Variants in PIR observed in about 807,000 individuals in gnomAD.
PIR encodes the protein pirin (iron-binding nuclear protein).
A neutral mutation model predicts 24.2 loss-of-function variants in PIR; 22 were observed. That is an observed-to-expected ratio of 0.91 (90% CI 0.65 to 1.30). The LOEUF (loss-of-function observed/expected upper bound fraction) is 1.30, where lower values mean the gene tolerates loss of function less well. PIR is among the 50% of genes most tolerant of loss of function. The pLI is 0.00. For missense variants in PIR, 220 were observed against 220.3 expected (o/e 1.00, Z 0.01); for synonymous variants, 80 against 79.6 (o/e 1.00, Z -0.03).
intron 5 of PIR, among the ~76,000 whole-genome samples, chrX:15,443,812 T>C (rs904868796): frequency 8.9e-6 from 1 of 111,778 alleles, no homozygotes. Context: ...AGGAAGTCAC[T>C]GCAAATATGG....
chrX:15,491,855 T>C lies in PIR; in HGVS notation c.-52-546A>G, dbSNP rs769702776. Among the ~76,000 whole-genome samples the C allele has an allele frequency of 3.6e-5, 4 of 111,134 alleles. No homozygotes were observed. The South Asian group carries it at 1.2e-3, about 33-fold the overall frequency. On this transcript the variant is annotated intron_variant, in intron 1 of 9. Transcript: ENST00000380420. ...ACCTAGGTTATACCAGCTAGGTTTGTCTAAGTGTACTCTAAGATGCTTGCA... is the reference window on the plus strand; with the variant it reads ...ACCTAGGTTATACCAGCTAGGTTTGCCTAAGTGTACTCTAAGATGCTTGCA...
At chrX:15,478,208 G>C (rs1180830420) in intron 3 of PIR, among the ~76,000 whole-genome samples, 1 of 111,317 alleles carries the variant, frequency 9.0e-6, no homozygotes, top group African/African-American at 3.3e-5. Context: ...GGTATGTGAG[G>C]GGAGGTTGAG....
chrX:15,488,289 A>G (rs1189849546), intron 2 of PIR, among the ~76,000 whole-genome samples: 7 of 83,784 alleles, frequency 8.4e-5, no homozygotes, highest in Non-Finnish European at 1.6e-4. Context: ...AAAAAAAAAA[A>G]AAAAAAAAAA....
intron 5 of PIR, among the ~76,000 whole-genome samples, chrX:15,434,201 AAGG>A (rs1203255905): frequency 1.1e-4 from 10 of 92,870 alleles, no homozygotes; most frequent in African/African-American, 4.1e-4. Context: ...GAGAAAGAAG[AAGG>A]AGGAGGAGAA....
At chrX:15,393,406 A>G (rs919707792) in intron 8 of PIR, among the ~76,000 whole-genome samples, 1 of 111,805 alleles carries the variant, frequency 8.9e-6, no homozygotes, top group African/African-American at 3.3e-5. Flanking sequence ...AACTATAAAT[A>G]TAAAACTCAA....
intron 3 of PIR, among the ~76,000 whole-genome samples, chrX:15,476,110 G>C (rs1043633388): frequency 1.8e-5 from 2 of 111,869 alleles, no homozygotes; most frequent in Admixed American, 9.5e-5. Flanking sequence ...TAGAAATGTA[G>C]ATTCTGATCC....
intron 3 of PIR, among the ~76,000 whole-genome samples, chrX:15,461,436 A>G (rs1402145193): frequency 8.9e-6 from 1 of 112,974 alleles, no homozygotes; most frequent in Non-Finnish European, 1.9e-5. Flanking sequence ...ATGCTGCCCA[A>G]TAGAGTAGCC....
At chrX:15,403,021 A>G (rs1229493181) in intron 7 of PIR, among the ~76,000 whole-genome samples, 1 of 112,064 alleles carries the variant, frequency 8.9e-6, no homozygotes, top group Non-Finnish European at 1.9e-5. Context: ...ATGAGCAGGC[A>G]GACCAGGGAG....
At chrX:15,474,471 A>C (rs916321997) in intron 3 of PIR, among the ~76,000 whole-genome samples, 1 of 112,686 alleles carries the variant, frequency 8.9e-6, no homozygotes, top group Admixed American at 9.4e-5. Context: ...CACCACCATT[A>C]CATCTGATTA....
chrX:15,441,497 A>G (rs1020539506), intron 5 of PIR, among the ~76,000 whole-genome samples: 1 of 111,523 alleles, frequency 9.0e-6, no homozygotes, highest in African/African-American at 3.3e-5. Context: ...GGGGGTCCAC[A>G]CTGATAAATT....
intron 7 of PIR, 110 bp from the exon 8 acceptor site, chrX:15,397,641 T>C: frequency 2.1e-6 from 1 of 480,855 alleles, no homozygotes; most frequent in Non-Finnish European, 3.6e-6. Context: ...ATTTGAGAAA[T>C]AATGGACTTA....
At chrX:15,480,760 T>C (rs1436941450) in intron 2 of PIR, among the ~76,000 whole-genome samples, 1 of 112,302 alleles carries the variant, frequency 8.9e-6, no homozygotes, top group Non-Finnish European at 1.9e-5. Flanking sequence ...ACTAATCTGT[T>C]GGGGCAAAAG....
intron 5 of PIR, among the ~76,000 whole-genome samples, chrX:15,449,343 T>C (rs1926210816): frequency 8.9e-6 from 1 of 111,858 alleles, no homozygotes; most frequent in Non-Finnish European, 1.9e-5. Flanking sequence ...CTTTACTTTC[T>C]CCCCCTATCT....
At chrX:15,472,445 G>A (rs1264416217) in intron 3 of PIR, among the ~76,000 whole-genome samples, 2 of 111,734 alleles carry the variant, frequency 1.8e-5, no homozygotes, top group Non-Finnish European at 3.8e-5. Context: ...ACAAAATGTG[G>A]TCTATCCATA....
rs185615101 is a variant in PIR at position 15,391,624 on chromosome X, C to T, written c.694-1373G>A. Among the ~76,000 whole-genome samples the T allele has an allele frequency of 2.7e-3, 305 of 111,997 alleles. 1 individual carries two copies. Among genetic ancestry groups the T allele is most frequent in the African/African-American group, 9.1e-3 (280 of 30,854 alleles). ...AAATTAAGGAGAACTGTAGTTCCGT[C>T]AGAAGTGAATTACATATGTACTTAG... On this transcript the variant is annotated intron_variant, in intron 8 of 9. Coordinates refer to ENST00000380420, the MANE Select transcript of PIR (RefSeq NM_001018109.3).
intron 3 of PIR, among the ~76,000 whole-genome samples, chrX:15,477,144 T>C (rs1324035061): frequency 9.0e-6 from 1 of 111,579 alleles, no homozygotes; most frequent in Non-Finnish European, 1.9e-5. Flanking sequence ...CAAGCCTGTA[T>C]AATTTAGAAA....
intron 6 of PIR, among the ~76,000 whole-genome samples, chrX:15,417,830 C>G (rs904349335): frequency 9.0e-5 from 10 of 111,545 alleles, no homozygotes; most frequent in African/African-American, 2.9e-4. Flanking sequence ...GACTCCCTGT[C>G]TCCCTGTTTC....
intron 3 of PIR, among the ~76,000 whole-genome samples, chrX:15,462,569 C>T (rs1302191591): frequency 2.7e-5 from 3 of 112,332 alleles, no homozygotes; most frequent in African/African-American, 9.7e-5. Flanking sequence ...GTTCTTTCCT[C>T]CTCTATACAA....
intron 6 of PIR, among the ~76,000 whole-genome samples, chrX:15,424,085 A>G (rs746110038): frequency 5.3e-5 from 6 of 112,721 alleles, no homozygotes; most frequent in Non-Finnish European, 9.4e-5. Context: ...TTTAAAAGAA[A>G]GAAATCAATA....
Sources: gnomAD v4.1 joint callset for allele counts (sites outside exome capture counted in the v4.1 genomes callset) on GRCh38, gnomAD v4.1.1 for gene constraint, MANE v1.5 for transcripts, NCBI Gene and HGNC (gene_info 2026-07-23, HGNC 2026-07-21) for gene names.